The following DPF3 variants were observed in gnomAD, a reference collection of about 807,000 sequenced individuals.
DPF3 encodes the protein zinc finger protein DPF3.
Under a neutral mutation model 56.8 loss-of-function variants are expected in DPF3, and 18 were observed. The ratio of observed to expected loss-of-function variants is 0.32; its 90% confidence interval spans 0.22 to 0.47. The LOEUF is 0.47. DPF3 is among the 20% of genes least tolerant of loss of function. DPF3 has a pLI of 1.00. For missense variants in DPF3, 403 were observed against 488.8 expected (o/e 0.82, Z 1.65); for synonymous variants, 188 against 180.2 (o/e 1.04, Z -0.35).
chr14:72,718,732 G>T, intron 5 of DPF3, among the ~76,000 whole-genome samples: 1 of 139,926 alleles, frequency 7.1e-6, no homozygotes, highest in African/African-American at 2.7e-5. Context: ...GAATTCCTGA[G>T]ATCAAAAAAA....
chr14:72,779,884 G>T (rs988595715), intron 1 of DPF3, among the ~76,000 whole-genome samples: 2 of 152,254 alleles, frequency 1.3e-5, no homozygotes, highest in Admixed American at 6.5e-5. Flanking sequence ...TCCCAGGACA[G>T]AAGGCCTCTG....
intron 1 of DPF3, among the ~76,000 whole-genome samples, chr14:72,857,013 A>G (rs1231746613): frequency 6.6e-6 from 1 of 152,198 alleles, no homozygotes; most frequent in African/African-American, 2.4e-5. Flanking sequence ...AGCAGATTCC[A>G]TTAGTGACCT....
chr14:72,794,756 A>G (rs1341680290), intron 1 of DPF3, among the ~76,000 whole-genome samples: 1 of 152,176 alleles, frequency 6.6e-6, no homozygotes, highest in Non-Finnish European at 1.5e-5. Context: ...CAAATGTACG[A>G]TTTTACGGTT....
intron 5 of DPF3, among the ~76,000 whole-genome samples, chr14:72,716,071 C>T (rs944230093): frequency 2.0e-5 from 3 of 151,880 alleles, no homozygotes; most frequent in South Asian, 2.1e-4. Context: ...CTGTCACAGC[C>T]GCCTCTGAGC....
intron 8 of DPF3, among the ~76,000 whole-genome samples, chr14:72,673,233 A>G (rs1397434631): frequency 2.0e-5 from 3 of 152,258 alleles, no homozygotes; most frequent in Non-Finnish European, 4.4e-5. Context: ...ACAGTCAACC[A>G]TGATGGGGTC....
chr14:72,707,914 T>C (rs780579174), intron 6 of DPF3, among the ~76,000 whole-genome samples: 5 of 152,030 alleles, frequency 3.3e-5, no homozygotes, highest in Non-Finnish European at 7.4e-5. Flanking sequence ...CTGTAATTCC[T>C]GATTATTCTG....
chr14:72,678,748 C>T (rs1375671829), intron 7 of DPF3, among the ~76,000 whole-genome samples: 1 of 152,208 alleles, frequency 6.6e-6, no homozygotes, highest in Non-Finnish European at 1.5e-5. Context: ...ATCTCTATGG[C>T]AGCATCTGCG....
At chr14:72,668,328 T>C (rs200300820) in intron 8 of DPF3, among the ~76,000 whole-genome samples, 2 of 152,360 alleles carry the variant, frequency 1.3e-5, no homozygotes, top group Admixed American at 1.3e-4. Context: ...AGATTTGAAC[T>C]TGATCATCTT....
At chr14:72,777,026 G>A (rs755165786) in intron 1 of DPF3, among the ~76,000 whole-genome samples, 3 of 152,168 alleles carry the variant, frequency 2.0e-5, no homozygotes, top group Non-Finnish European at 4.4e-5. Flanking sequence ...AGTCCCCTTT[G>A]CTGTGTAAAC....
intron 1 of DPF3, among the ~76,000 whole-genome samples, chr14:72,772,427 T>C (rs1891572518): frequency 6.6e-6 from 1 of 152,088 alleles, no homozygotes; most frequent in African/African-American, 2.4e-5. Flanking sequence ...AAACATTCTA[T>C]AAAAGTAGGG....
Position 72,655,320 on chromosome 14 carries a change from C to G in DPF3, c.871+18920G>C, listed in dbSNP as rs556600708. Reference sequence around the variant, plus strand: ...ATATAATTGTATATATAATTAAATTCGTCTTCTAATAAGACCTTTCCTCCC... The same window carrying G: ...ATATAATTGTATATATAATTAAATTGGTCTTCTAATAAGACCTTTCCTCCC... On this transcript the variant is annotated intron_variant, in intron 8 of 10. Transcript: ENST00000556509. Among the ~76,000 whole-genome samples the G allele has an allele frequency of 2.6e-4, 39 of 152,144 alleles. No individual in the cohort carries two copies. In the East Asian group the frequency reaches 7.3e-3, roughly 29 times the overall value.
intron 6 of DPF3, among the ~76,000 whole-genome samples, chr14:72,698,252 C>T (rs1464880752): frequency 6.6e-6 from 1 of 152,214 alleles, no homozygotes; most frequent in Non-Finnish European, 1.5e-5. Flanking sequence ...AGAAACCATA[C>T]TTCAAGGACC....
intron 1 of DPF3, among the ~76,000 whole-genome samples, chr14:72,779,412 A>AGTGT (rs1462297359): frequency 6.6e-6 from 1 of 152,188 alleles, no homozygotes; most frequent in Non-Finnish European, 1.5e-5. Context: ...CCTGAAACTC[A>AGTGT]GTGTTTAGTC....
intron 8 of DPF3, among the ~76,000 whole-genome samples, chr14:72,659,811 AT>A (rs1886153881): frequency 6.6e-6 from 1 of 152,286 alleles, no homozygotes; most frequent in African/African-American, 2.4e-5. Flanking sequence ...CTCTGTGTTC[AT>A]CAAAAGATAC....
At chr14:72,640,270 G>C (rs1043383377) in intron 8 of DPF3, among the ~76,000 whole-genome samples, 1 of 152,150 alleles carries the variant, frequency 6.6e-6, no homozygotes, top group African/African-American at 2.4e-5. Flanking sequence ...TCTGTAAACA[G>C]TGGGGACTCC....
chr14:72,833,463 A>G (rs1884148682), intron 1 of DPF3, among the ~76,000 whole-genome samples: 1 of 152,216 alleles, frequency 6.6e-6, no homozygotes, highest in African/African-American at 2.4e-5. Flanking sequence ...GTGCATTGGG[A>G]GTAACCAACA....
At chr14:72,767,549 C>G (rs560927787) in intron 2 of DPF3, among the ~76,000 whole-genome samples, 1 of 152,046 alleles carries the variant, frequency 6.6e-6, no homozygotes, top group African/African-American at 2.4e-5. Context: ...AATAAAGAAG[C>G]AATGAACTTG....
chr14:72,675,961 T>C (rs1423064748), intron 7 of DPF3, among the ~76,000 whole-genome samples: 1 of 152,258 alleles, frequency 6.6e-6, no homozygotes, highest in Non-Finnish European at 1.5e-5. Context: ...TATTTTACTC[T>C]GCCTATAAAT....
At chr14:72,824,470 C>G (rs1883695092) in intron 1 of DPF3, among the ~76,000 whole-genome samples, 1 of 152,152 alleles carries the variant, frequency 6.6e-6, no homozygotes. Context: ...TCCTGATGCT[C>G]TCATTCAGAA....
Sources: gnomAD v4.1 joint callset for allele counts (sites outside exome capture counted in the v4.1 genomes callset) on GRCh38, gnomAD v4.1.1 for gene constraint, MANE v1.5 for transcripts, NCBI Gene and HGNC (gene_info 2026-07-23, HGNC 2026-07-21) for gene names.